The following CTTNBP2 variants were observed in gnomAD, a reference collection of about 807,000 sequenced individuals.
CTTNBP2 encodes the protein cortactin binding protein 2, also known as cortactin-binding protein 2.
CTTNBP2 carries 108 observed loss-of-function variants against 156.9 expected under a neutral mutation model. The observed-to-expected ratio is 0.69, with a 90% CI of 0.59 to 0.81. The LOEUF (loss-of-function observed/expected upper bound fraction) is 0.81. Ranked by LOEUF, CTTNBP2 falls within the 30% of genes least tolerant of loss-of-function variation. The pLI is 0.00. For synonymous variants in CTTNBP2, 767 were observed against 751.8 expected (o/e 1.02, Z -0.33); for missense variants, 1,924 against 2,035.4 (o/e 0.95, Z 1.05).
chr7:117,821,156 C>T (rs10953853), intron 2 of CTTNBP2, among the ~76,000 whole-genome samples: 1 of 151,868 alleles, frequency 6.6e-6, no homozygotes, highest in Admixed American at 6.6e-5. Flanking sequence ...AGAATTTTTA[C>T]ATAAGCAATA....
intron 2 of CTTNBP2, among the ~76,000 whole-genome samples, chr7:117,853,130 A>C (rs978193611): frequency 3.3e-5 from 5 of 152,194 alleles, no homozygotes; most frequent in Non-Finnish European, 5.9e-5. Flanking sequence ...AATAGCAGTT[A>C]ACCTCAGGAT....
At chr7:117,773,358 T>C (rs1194974736) in intron 8 of CTTNBP2, among the ~76,000 whole-genome samples, 1 of 152,132 alleles carries the variant, frequency 6.6e-6, no homozygotes, top group Non-Finnish European at 1.5e-5. Flanking sequence ...GACTCTCATA[T>C]GACTAAAAGC....
chr7:117,755,783 G>A (rs1483002409), intron 12 of CTTNBP2, among the ~76,000 whole-genome samples: 1 of 152,136 alleles, frequency 6.6e-6, no homozygotes, highest in Non-Finnish European at 1.5e-5. Context: ...CTGGTTTTAG[G>A]TGGGTGCACA....
chr7:117,852,841 T>A (rs1398931755), intron 2 of CTTNBP2, among the ~76,000 whole-genome samples: 1 of 152,160 alleles, frequency 6.6e-6, no homozygotes, highest in African/African-American at 2.4e-5. Context: ...AAGTAAACAA[T>A]CCATAAATGA....
At chr7:117,768,017 A>C (rs1390827364) in intron 8 of CTTNBP2, among the ~76,000 whole-genome samples, 1 of 152,066 alleles carries the variant, frequency 6.6e-6, no homozygotes, top group Non-Finnish European at 1.5e-5. Flanking sequence ...AAGGAGAAAA[A>C]TGAATAGACC....
chr7:117,727,036 G>T (rs533215681), intron 17 of CTTNBP2, among the ~76,000 whole-genome samples: 1 of 152,162 alleles, frequency 6.6e-6, no homozygotes, highest in East Asian at 1.9e-4. Flanking sequence ...ATGTAAAAAA[G>T]ACTTTAATTT....
At chr7:117,771,510 T>A (rs1275061785) in intron 8 of CTTNBP2, among the ~76,000 whole-genome samples, 2 of 152,104 alleles carry the variant, frequency 1.3e-5, no homozygotes, top group African/African-American at 4.8e-5. Flanking sequence ...AAGGGCTGAG[T>A]GCTATGCACT....
At chr7:117,733,587 T>G (rs1584915903) in intron 16 of CTTNBP2, among the ~76,000 whole-genome samples, 1 of 152,366 alleles carries the variant, frequency 6.6e-6, no homozygotes, top group Non-Finnish European at 1.5e-5. Context: ...CCATTCGTCC[T>G]TCTTGTTGAG....
chr7:117,842,324 C>A (rs1428031458), intron 2 of CTTNBP2, among the ~76,000 whole-genome samples: 1 of 152,140 alleles, frequency 6.6e-6, no homozygotes, highest in Non-Finnish European at 1.5e-5. Context: ...CCTCAGCCAC[C>A]TGAATAGCTG....
At chr7:117,776,081 C>T (rs961949676) in intron 8 of CTTNBP2, among the ~76,000 whole-genome samples, 1 of 152,208 alleles carries the variant, frequency 6.6e-6, no homozygotes, top group African/African-American at 2.4e-5. Context: ...TCTGGATGAA[C>T]AAATCGTAGC....
chr7:117,819,381 A>T (rs1341142117), intron 2 of CTTNBP2, among the ~76,000 whole-genome samples: 5,385 of 139,532 alleles, frequency 0.039, 381 homozygotes, highest in African/African-American at 0.14. Context: ...ACACACACAC[A>T]CACACACACA....
At position 117,777,714 on chromosome 7, in the gene CTTNBP2, G is replaced by A. The variant is rs559004115; in HGVS notation, c.2575C>T (p.Leu859Phe). 4.3e-6 allele frequency: 7 copies of A among 1,613,998 alleles called. No individual in the cohort carries two copies. In the Admixed American group the frequency reaches 1.2e-4, roughly 27 times the overall value. Reference protein sequence around the residue: ...AAVDTGNVDSLKLLMYHRIPA... With the variant: ...AAVDTGNVDSFKLLMYHRIPA... ...ATTCTATGGTACATAAGAAGCTTGA[G>A]GCTGTCCACATTACCAGTGTCCACA... Residue 859 changes from leucine to phenylalanine, a missense_variant, in exon 8 of 23, where the codon CTC becomes TTC. By Grantham distance (22) the Leu-to-Phe change is conservative (BLOSUM62 0). Coordinates refer to ENST00000160373, the MANE Select transcript of CTTNBP2 (RefSeq NM_033427.3).
intron 2 of CTTNBP2, among the ~76,000 whole-genome samples, chr7:117,830,410 AT>A (rs1801528939): frequency 7.2e-5 from 11 of 152,328 alleles, no homozygotes; most frequent in Admixed American, 4.6e-4. Flanking sequence ...GCACCATGAT[AT>A]ATTAAGAATC....
At chr7:117,762,780 AC>A (rs1797280844) in intron 9 of CTTNBP2, among the ~76,000 whole-genome samples, 1 of 152,062 alleles carries the variant, frequency 6.6e-6, no homozygotes, top group Admixed American at 6.6e-5. Context: ...GCCACGCTCC[AC>A]CCTGTAACTG....
rs1341050689 is a variant in CTTNBP2 at position 117,836,997 on chromosome 7, TC to T, written c.189+24211del. On this transcript the variant is annotated intron_variant, in intron 2 of 22. Coordinates refer to ENST00000160373, the MANE Select transcript of CTTNBP2 (RefSeq NM_033427.3). ...GGGATACAGCCAAACCATATCACCA[TC>T]CAATTCTACCAATGTTGTACTTTTC... 2.0e-5 allele frequency among the ~76,000 whole-genome samples: 3 copies of T among 152,196 alleles called. No individual in the cohort carries two copies. In the East Asian group the frequency reaches 5.8e-4, roughly 29 times the overall value.
At chr7:117,758,381 A>T (rs1797004883) in intron 10 of CTTNBP2, among the ~76,000 whole-genome samples, 1 of 151,758 alleles carries the variant, frequency 6.6e-6, no homozygotes, top group South Asian at 2.1e-4. Context: ...CTGGTCCCTG[A>T]GCCTCTTTCC....
chr7:117,751,804 G>A (rs1441152853), intron 12 of CTTNBP2, among the ~76,000 whole-genome samples: 1 of 152,098 alleles, frequency 6.6e-6, no homozygotes, highest in African/African-American at 2.4e-5. Context: ...ACTATAAGAT[G>A]GAACTTTTAG....
At chr7:117,731,405 C>G (rs1584911885) in intron 16 of CTTNBP2, among the ~76,000 whole-genome samples, 1 of 152,176 alleles carries the variant, frequency 6.6e-6, no homozygotes, top group Non-Finnish European at 1.5e-5. Flanking sequence ...TGAATAAAAA[C>G]TGTCCTCCAA....
rs564101595 is a variant in CTTNBP2 at position 117,790,212 on chromosome 7, T to C, written c.2068+916A>G. ...ACATTTTGAGGGGTAAAATTGGGAA[T>C]TGAAAACAGCATGGACTTTGCAGTT... On this transcript the variant is annotated intron_variant, in intron 4 of 22. Coordinates refer to ENST00000160373, the MANE Select transcript of CTTNBP2 (RefSeq NM_033427.3). Among the ~76,000 whole-genome samples, 9 of 152,300 alleles carry C rather than the reference T, an allele frequency of 5.9e-5. No individual in the cohort carries two copies. In the South Asian group the frequency reaches 1.7e-3, roughly 28 times the overall value.
Sources: allele counts gnomAD v4.1 joint callset (sites outside exome capture counted in the v4.1 genomes callset), GRCh38; gene constraint gnomAD v4.1.1; transcripts MANE v1.5; gene names NCBI Gene and HGNC (gene_info 2026-07-23, HGNC 2026-07-21).